CPNE4: variants seen among roughly 807,000 people sequenced by gnomAD.
CPNE4 encodes copine-4.
CPNE4 carries 25 observed loss-of-function variants against 67.9 expected under a neutral mutation model. That is an observed-to-expected ratio of 0.37 (90% CI 0.27 to 0.51). The LOEUF (loss-of-function observed/expected upper bound fraction) is 0.51, where lower values mean the gene tolerates loss of function less well. Among genes scored for constraint, CPNE4 ranks in the 20% least tolerant of loss-of-function variants. The pLI is 0.93. For synonymous variants in CPNE4, 242 were observed against 244.9 expected (o/e 0.99, Z 0.11); for missense variants, 464 against 690.8 (o/e 0.67, Z 3.68).
intron 2 of CPNE4, among the ~76,000 whole-genome samples, chr3:131,733,233 A>G (rs889752381): frequency 6.6e-6 from 1 of 152,198 alleles, no homozygotes; most frequent in Non-Finnish European, 1.5e-5. Context: ...ATCTGACCAC[A>G]GCAATTTTTC....
At chr3:131,885,523 AAATTTTTTTT>A (rs1273799105) in intron 2 of CPNE4, among the ~76,000 whole-genome samples, 3 of 151,526 alleles carry the variant, frequency 2.0e-5, no homozygotes, top group Non-Finnish European at 2.9e-5. Context: ...TTCATATTTT[AAATTTTTTTT>A]AATTTTTTTA....
intron 1 of CPNE4, among the ~76,000 whole-genome samples, chr3:132,028,751 G>A (rs1252019875): frequency 6.6e-6 from 1 of 152,028 alleles, no homozygotes; most frequent in African/African-American, 2.4e-5. Flanking sequence ...GGAGCATTAA[G>A]CACTTAAAAT....
intron 1 of CPNE4, among the ~76,000 whole-genome samples, chr3:131,987,489 C>T (rs549694942): frequency 2.6e-5 from 4 of 151,402 alleles, no homozygotes; most frequent in Non-Finnish European, 2.9e-5. Context: ...CAGGTTCAAG[C>T]GATTCTCCTG....
intron 2 of CPNE4, among the ~76,000 whole-genome samples, chr3:131,737,438 A>G (rs2082263806): frequency 6.6e-6 from 1 of 152,110 alleles, no homozygotes; most frequent in South Asian, 2.1e-4. Flanking sequence ...TGAAGGGATG[A>G]CATTGCTGGA....
chr3:131,589,538 C>T (rs1418358797), intron 7 of CPNE4, among the ~76,000 whole-genome samples: 1 of 152,188 alleles, frequency 6.6e-6, no homozygotes, highest in African/African-American at 2.4e-5. Flanking sequence ...GCAGTCTCCT[C>T]TGGCAATACC....
intron 2 of CPNE4, among the ~76,000 whole-genome samples, chr3:131,880,100 G>A (rs1240047257): frequency 3.3e-5 from 5 of 151,298 alleles, no homozygotes; most frequent in Admixed American, 2.0e-4. Context: ...GACAAAGACG[G>A]TCCATGGCAT....
intron 8 of CPNE4, 90 bp from the exon 9 acceptor site, chr3:131,581,755 C>G (rs1399432279): frequency 1.1e-6 from 1 of 878,310 alleles, no homozygotes; most frequent in Non-Finnish European, 1.9e-6. Context: ...TGAGGACAAA[C>G]TGAACTGGAG....
chr3:132,035,118 G>C (rs2074317865), upstream of CPNE4: 1 of 949,646 alleles, frequency 1.1e-6, no homozygotes, highest in African/African-American at 1.8e-5. Flanking sequence ...CCGGGAACCC[G>C]AGCTCAGGCC....
intron 6 of CPNE4, among the ~76,000 whole-genome samples, chr3:131,675,146 A>G (rs895886786): frequency 2.0e-5 from 3 of 152,036 alleles, no homozygotes; most frequent in Non-Finnish European, 4.4e-5. Context: ...ATTGATTTCT[A>G]GTTTTATGCC....
intron 2 of CPNE4, among the ~76,000 whole-genome samples, chr3:131,738,308 C>A (rs1376314980): frequency 2.0e-4 from 31 of 152,248 alleles, no homozygotes; most frequent in Non-Finnish European, 4.6e-4. Context: ...GTTCTGCAAT[C>A]CCATTATACA....
chr3:131,717,874 T>TTTTCTTTCTTTCTTTCTTTC (rs71136405), intron 3 of CPNE4, among the ~76,000 whole-genome samples: 3 of 97,036 alleles, frequency 3.1e-5, no homozygotes, highest in African/African-American at 9.8e-5. Flanking sequence ...TCTTTCTTTC[T>TTTTCTTTCTTTCTTTCTTTC]TTTCTTTCTT....
At chr3:131,759,897 C>A (rs1482690029) in intron 2 of CPNE4, among the ~76,000 whole-genome samples, 2 of 152,154 alleles carry the variant, frequency 1.3e-5, no homozygotes, top group Non-Finnish European at 2.9e-5. Context: ...CTCTAATGTA[C>A]CTTAAGTGCT....
intron 2 of CPNE4, among the ~76,000 whole-genome samples, chr3:131,824,456 A>G (rs563599838): frequency 6.6e-6 from 1 of 152,202 alleles, no homozygotes; most frequent in East Asian, 1.9e-4. Flanking sequence ...AAAATACAAC[A>G]TGATGAAAAT....
chr3:131,665,294 A>G (rs984516177), intron 7 of CPNE4, among the ~76,000 whole-genome samples: 2 of 152,290 alleles, frequency 1.3e-5, no homozygotes, highest in African/African-American at 4.8e-5. Context: ...CTCCACTGCC[A>G]TCTATCACAT....
upstream of CPNE4, chr3:132,037,567 C>T (rs1560827458): frequency 1.3e-6 from 2 of 1,535,918 alleles, no homozygotes; most frequent in East Asian, 2.4e-5. Context: ...CTCCTCCCAG[C>T]TCTCCTTTTA....
intron 1 of CPNE4, among the ~76,000 whole-genome samples, chr3:131,945,143 A>G (rs6785853): frequency 0.57 from 87,316 of 151,992 alleles, 25,427 homozygotes; most frequent in Admixed American, 0.7. Flanking sequence ...ATGTGTTAAC[A>G]GAAAAAGAAT....
chr3:131,663,692 C>G (rs756277737), intron 7 of CPNE4, among the ~76,000 whole-genome samples: 24 of 152,040 alleles, frequency 1.6e-4, no homozygotes, highest in Non-Finnish European at 3.1e-4. Flanking sequence ...GAAGGCAACT[C>G]AAGAACATGG....
chr3:131,662,255 G>T (rs996628827), intron 7 of CPNE4, among the ~76,000 whole-genome samples: 5 of 152,210 alleles, frequency 3.3e-5, no homozygotes, highest in African/African-American at 1.2e-4. Context: ...TAGTGTGTCA[G>T]TCTGGCTCAG....
chr3:131,754,375 GA>G (rs759858134), intron 2 of CPNE4, among the ~76,000 whole-genome samples: 2 of 151,182 alleles, frequency 1.3e-5, no homozygotes, highest in Admixed American at 6.6e-5. Flanking sequence ...AGAAGTATAA[GA>G]AAAAAAAGAG....
Sources: allele counts gnomAD v4.1 joint callset (sites outside exome capture counted in the v4.1 genomes callset), GRCh38; gene constraint gnomAD v4.1.1; transcripts MANE v1.5; gene names NCBI Gene and HGNC (gene_info 2026-07-23, HGNC 2026-07-21).